Variants in PHLPP1 observed in about 807,000 individuals in gnomAD.
The protein encoded by PHLPP1 is PH domain and leucine rich repeat protein phosphatase 1, also known as PH domain leucine-rich repeat-containing protein phosphatase 1.
Under a neutral mutation model 117.2 loss-of-function variants are expected in PHLPP1, and 42 were observed. That is an observed-to-expected ratio of 0.36 (90% CI 0.28 to 0.46). PHLPP1 has a LOEUF of 0.46. Ranked by LOEUF, PHLPP1 falls within the 20% of genes least tolerant of loss-of-function variation. PHLPP1 has a pLI of 1.00. For synonymous variants in PHLPP1, 1,042 were observed against 970.7 expected (o/e 1.07, Z -1.37); for missense variants, 2,084 against 2,241.9 (o/e 0.93, Z 1.42).
At chr18:62,854,926 A>T (rs973159131) in intron 3 of PHLPP1, among the ~76,000 whole-genome samples, 1 of 151,888 alleles carries the variant, frequency 6.6e-6, no homozygotes, top group African/African-American at 2.4e-5. Context: ...CAAACTCCTG[A>T]CCTCAAATGA....
At chr18:62,859,633 G>A (rs1042197964) in intron 3 of PHLPP1, among the ~76,000 whole-genome samples, 6 of 152,068 alleles carry the variant, frequency 3.9e-5, no homozygotes, top group Non-Finnish European at 7.4e-5. Context: ...CTTTATTTGT[G>A]CTATTTTAAA....
At chr18:62,841,728 G>A (rs1409654924) in intron 3 of PHLPP1, among the ~76,000 whole-genome samples, 1 of 152,160 alleles carries the variant, frequency 6.6e-6, no homozygotes, top group Non-Finnish European at 1.5e-5. Context: ...TATGTAGACA[G>A]TAATTCACAC....
At chr18:62,862,120 C>A (rs774330108) in intron 4 of PHLPP1, among the ~76,000 whole-genome samples, 15 of 151,386 alleles carry the variant, frequency 9.9e-5, no homozygotes, top group African/African-American at 1.7e-4. Context: ...CACTCTGTCG[C>A]CCAGGCTAGA....
chr18:62,820,546 T>C (rs1018735966), intron 1 of PHLPP1, among the ~76,000 whole-genome samples: 1 of 152,222 alleles, frequency 6.6e-6, no homozygotes, highest in South Asian at 2.1e-4. Flanking sequence ...GCCATTCTCA[T>C]GATGGTGAGT....
chr18:62,802,860 A>G lies in PHLPP1; in HGVS notation c.1577-27175A>G, dbSNP rs1263296685. Among the ~76,000 whole-genome samples the G allele has an allele frequency of 5.3e-5, 8 of 152,162 alleles. No individual in the cohort carries two copies. In the East Asian group the frequency reaches 1.5e-3, roughly 29 times the overall value. ...TTGTAGGGGAGAAGTCCAGTCCTGT[A>G]GATTCCAAATAAAAAATTAGATTGG... On this transcript the variant is annotated intron_variant, in intron 1 of 16. Transcript: ENST00000262719.
Position 62,881,670 on chromosome 18 carries a change from T to C in PHLPP1, c.2067-13341T>C, listed in dbSNP as rs1181539101. On this transcript the variant is annotated intron_variant, in intron 4 of 16. Coordinates refer to ENST00000262719, the MANE Select transcript of PHLPP1 (RefSeq NM_194449.4). ...TGCCACATTAGCATCCGTGCACTGCTAAGCCTCCCAGATGATGGCAGGTGC... is the reference window on the plus strand; with the variant it reads ...TGCCACATTAGCATCCGTGCACTGCCAAGCCTCCCAGATGATGGCAGGTGC... Among the ~76,000 whole-genome samples, 35 of 152,224 alleles carry C rather than the reference T, an allele frequency of 2.3e-4. 1 individual carries two copies. The highest frequency in any genetic ancestry group is 2.2e-3 in the Admixed American group (34 of 15,280).
At chr18:62,842,170 T>G (rs1301605923) in intron 3 of PHLPP1, among the ~76,000 whole-genome samples, 7 of 152,188 alleles carry the variant, frequency 4.6e-5, no homozygotes, top group Non-Finnish European at 8.8e-5. Flanking sequence ...AAATAATATT[T>G]TAAAGTATTA....
intron 1 of PHLPP1, among the ~76,000 whole-genome samples, chr18:62,720,650 G>A (rs1174541492): frequency 2.6e-5 from 4 of 152,094 alleles, no homozygotes; most frequent in Non-Finnish European, 5.9e-5. Context: ...CGGTTCGAAC[G>A]TGTGACACCA....
At chr18:62,933,281 A>C (rs1277122036) in intron 10 of PHLPP1, among the ~76,000 whole-genome samples, 3 of 152,232 alleles carry the variant, frequency 2.0e-5, no homozygotes, top group African/African-American at 7.2e-5. Context: ...ATGTGGAAAC[A>C]CAAAAGAGCC....
intron 4 of PHLPP1, among the ~76,000 whole-genome samples, chr18:62,869,575 A>T (rs1568144307): frequency 3.3e-5 from 5 of 152,202 alleles, no homozygotes; most frequent in Admixed American, 3.3e-4. Context: ...TACTTGATCT[A>T]AATGGAGCAC....
intron 4 of PHLPP1, among the ~76,000 whole-genome samples, chr18:62,882,958 A>AG (rs946006283): frequency 2.6e-5 from 4 of 151,314 alleles, no homozygotes; most frequent in Admixed American, 1.3e-4. Flanking sequence ...AAAAAAAAAA[A>AG]AAAAGAAAAA....
At chr18:62,762,133 C>G (rs944751881) in intron 1 of PHLPP1, among the ~76,000 whole-genome samples, 1 of 151,688 alleles carries the variant, frequency 6.6e-6, no homozygotes, top group Non-Finnish European at 1.5e-5. Context: ...TAAATAGAAT[C>G]CTGTTTTTGT....
intron 3 of PHLPP1, among the ~76,000 whole-genome samples, chr18:62,849,797 CAAAAAAAAAAAAAAAAAAAAA>C (rs1159265423): frequency 2.7e-4 from 2 of 7,394 alleles, no homozygotes; most frequent in African/African-American, 1.1e-3. Context: ...CCTGTCTCTA[CAAAAAAAAAAAAAAAAAAAAA>C]AAAAAAAAAA....
chr18:62,769,730 A>G (rs1055896595), intron 1 of PHLPP1, among the ~76,000 whole-genome samples: 3 of 152,244 alleles, frequency 2.0e-5, no homozygotes, highest in African/African-American at 4.8e-5. Context: ...TAGTATACCC[A>G]AATTCTTCTT....
intron 1 of PHLPP1, among the ~76,000 whole-genome samples, chr18:62,805,652 T>C (rs1024312962): frequency 6.6e-6 from 1 of 152,184 alleles, no homozygotes; most frequent in South Asian, 2.1e-4. Context: ...TAAGCCACCA[T>C]GCCCGACCTT....
intron 1 of PHLPP1, among the ~76,000 whole-genome samples, chr18:62,747,418 C>T (rs765845153): frequency 4.6e-5 from 7 of 151,602 alleles, no homozygotes; most frequent in South Asian, 2.1e-4. Context: ...GCTGGAATTA[C>T]AGGTGTGAGC....
chr18:62,813,362 G>T (rs768194728), intron 1 of PHLPP1, among the ~76,000 whole-genome samples: 1 of 152,174 alleles, frequency 6.6e-6, no homozygotes, highest in African/African-American at 2.4e-5. Flanking sequence ...CCATGGAATC[G>T]TGTAATGGAG....
At chr18:62,954,403 C>CT (rs1297788497) in intron 12 of PHLPP1, among the ~76,000 whole-genome samples, 1 of 152,090 alleles carries the variant, frequency 6.6e-6, no homozygotes, top group Non-Finnish European at 1.5e-5. Context: ...TATAAAGGGT[C>CT]TTTTTTTATT....
intron 1 of PHLPP1, among the ~76,000 whole-genome samples, chr18:62,721,835 T>A (rs970245036): frequency 2.0e-5 from 3 of 152,230 alleles, no homozygotes; most frequent in African/African-American, 7.2e-5. Context: ...AGATAAGTTA[T>A]TTTTTAAGTG....
Sources: allele counts gnomAD v4.1 joint callset (sites outside exome capture counted in the v4.1 genomes callset), GRCh38; gene constraint gnomAD v4.1.1; transcripts MANE v1.5; gene names NCBI Gene and HGNC (gene_info 2026-07-23, HGNC 2026-07-21).